Variants in PBXIP1 observed in about 807,000 individuals in gnomAD.
PBXIP1 encodes pre-B-cell leukemia transcription factor-interacting protein 1.
PBXIP1 carries 73 observed loss-of-function variants against 73.7 expected under a neutral mutation model. The observed-to-expected ratio is 0.99, with a 90% confidence interval of 0.82 to 1.20. The LOEUF (loss-of-function observed/expected upper bound fraction) is 1.20. Ranked by LOEUF, PBXIP1 falls within the 50% of genes most tolerant of loss-of-function variation. The pLI is 0.00. For synonymous variants in PBXIP1, 330 were observed against 366.9 expected (o/e 0.90, Z 1.15); for missense variants, 818 against 911.4 (o/e 0.90, Z 1.32).
At chr1:154,949,974 CTATTTT>C (rs904431970) in intron 5 of PBXIP1, among the ~76,000 whole-genome samples, 2 of 151,980 alleles carry the variant, frequency 1.3e-5, no homozygotes. Flanking sequence ...CACACCCAGC[CTATTTT>C]TATTTTTATT....
At position 154,951,946 on chromosome 1, in the gene PBXIP1, G is replaced by A. The variant is rs773973524; in HGVS notation, c.52-25C>T. 2 of 1,586,340 alleles carry A rather than the reference G, an allele frequency of 1.3e-6. No homozygotes were observed. Among genetic ancestry groups the A allele is most frequent in the South Asian group, 1.1e-5 (1 of 87,836 alleles). ...TCTGGGAGGAGAAGTGCAAGGAGAA[G>A]GGCTGCACCCAAGAATGGGGCCCCA... On this transcript the variant is annotated intron_variant, in intron 2 of 10. Coordinates refer to ENST00000368463, the MANE Select transcript of PBXIP1 (RefSeq NM_020524.4). The surrounding 1 kb of genome is among the most constrained non-coding windows in gnomAD (Gnocchi z 4.3).
Position 154,953,655 on chromosome 1 carries a change from G to T in PBXIP1, c.51+16C>A. Reference sequence around the variant, plus strand: ...CCCAACCCCACCCCCATGGTTCCCAGGCCCGCTCTTCCTACCTCGGAGCCA... The same window carrying T: ...CCCAACCCCACCCCCATGGTTCCCATGCCCGCTCTTCCTACCTCGGAGCCA... On this transcript the variant is annotated intron_variant, in intron 2 of 10. Coordinates refer to ENST00000368463, the MANE Select transcript of PBXIP1 (RefSeq NM_020524.4). 6.3e-7 allele frequency: 1 copy of T among 1,590,626 alleles called. No individual in the cohort carries two copies. Among genetic ancestry groups the T allele is most frequent in the Non-Finnish European group, 8.6e-7 (1 of 1,159,354 alleles).
intron 1 of PBXIP1, 97 bp from the exon 2 acceptor site, chr1:154,953,854 C>T (rs906280574): frequency 7.2e-6 from 5 of 693,170 alleles, no homozygotes; most frequent in Non-Finnish European, 9.9e-6. Flanking sequence ...AAGTGCTGGG[C>T]AGCAGCCTCC....
At position 154,947,837 on chromosome 1, in the gene PBXIP1, G is replaced by C. The variant is rs1654881746; in HGVS notation, c.668-125C>G. 3.7e-6 allele frequency: 5 copies of C among 1,365,312 alleles called. No homozygotes were observed. In the Admixed American group the frequency reaches 7.2e-5, roughly 20 times the overall value. The allele number at this position is 1,365,312 out of a possible 1,614,324, so 84.6% of individuals were successfully genotyped here. A position where few individuals can be genotyped will look rare whatever the true frequency, so the allele number is the denominator to read the frequency against. On this transcript the variant is annotated intron_variant, in intron 7 of 10. Transcript: ENST00000368463. ...ACCCTGTGGCTGAGCGGTTTGGTGA[G>C]ATAAAGGGCCAAGGGGCACCCTGAA...
chr1:154,947,208 T>C, intron 9 of PBXIP1: 1 of 626,968 alleles, frequency 1.6e-6, no homozygotes, highest in Non-Finnish European at 2.9e-6. Flanking sequence ...ATGTTTCATG[T>C]ACCATGTGGA....
intron 5 of PBXIP1, 137 bp from the exon 6 acceptor site, chr1:154,948,503 C>T (rs1654909807): frequency 4.9e-6 from 3 of 614,256 alleles, no homozygotes; most frequent in Non-Finnish European, 8.4e-6. Context: ...GAAGACCTTG[C>T]CCACTTGCCC....
intron 6 of PBXIP1, 24 bp from the exon 7 acceptor site, chr1:154,948,029 T>G (rs1467993668): frequency 1.2e-6 from 2 of 1,610,334 alleles, no homozygotes. Context: ...CAGAGGAGTC[T>G]GATGAGGCCC....
At chr1:154,949,226 C>A (rs1386740054) in intron 5 of PBXIP1, among the ~76,000 whole-genome samples, 1 of 151,916 alleles carries the variant, frequency 6.6e-6, no homozygotes, top group Admixed American at 6.6e-5. Context: ...AGTGCAGTGG[C>A]ACGATCACAA....
At position 154,945,717 on chromosome 1, in the gene PBXIP1, G is replaced by C; in HGVS notation, c.1957C>G (p.Arg653Gly). Residue 653 changes from arginine to glycine, a missense_variant, in exon 10 of 11, where the codon CGC becomes GGC. Coordinates refer to ENST00000368463, the MANE Select transcript of PBXIP1 (RefSeq NM_020524.4). The stretch of plus-strand genomic sequence containing the variant: ...TCCACAAAATCCCGGAAGCGGAGGC[G>C]GTCATGACGGAAGATGCCATCCTCA... ...FGEDGIFRHD[R>G]LRFRDFVDAL... 6.2e-7 allele frequency: 1 copy of C among 1,614,230 alleles called. No individual in the cohort carries two copies. Among genetic ancestry groups the C allele is most frequent in the South Asian group, 1.1e-5 (1 of 91,086 alleles).
chr1:154,945,809 T>C lies in PBXIP1; in HGVS notation c.1865A>G (p.Tyr622Cys). The C allele has an allele frequency of 6.2e-7, 1 of 1,614,130 alleles. No homozygotes were observed. The highest frequency in any genetic ancestry group is 8.5e-7 in the Non-Finnish European group (1 of 1,179,998). Residue 622 changes from tyrosine (Y) to cysteine (C), a missense_variant, in exon 10 of 11, where the codon TAC becomes TGC. Transcript: ENST00000368463. ...CCCAGCCCAGGGCAGCCGTGCCAAG[T>C]ATGTTCTTAGCAGAGAGGCCAGCTC... is the stretch of plus-strand genomic sequence containing the variant. Reference protein sequence around the residue: ...QQELASLLRTYLARLPWAGQL... With the variant: ...QQELASLLRTCLARLPWAGQL...
chr1:154,947,702 CT>C lies in PBXIP1; in HGVS notation c.677del (p.Glu226GlyfsTer24). On this transcript the variant is annotated frameshift_variant, in exon 8 of 11. Coordinates refer to ENST00000368463, the MANE Select transcript of PBXIP1 (RefSeq NM_020524.4). LOFTEE classifies it high-confidence loss of function. ...CTGGGAGGACCTGCCGCTCCACTTC[CT>C]CCATGGGCCCTGTGGGAAAGGGAAA... ...GLSESETGPM[E>X]EVERQVLPDP... is the part of the protein sequence containing the mutation. The C allele has an allele frequency of 1.2e-6, 2 of 1,613,666 alleles. No individual in the cohort carries two copies. The highest frequency in any genetic ancestry group is 1.7e-6 in the Non-Finnish European group (2 of 1,179,942).
Position 154,946,111 on chromosome 1 carries a change from C to A in PBXIP1, c.1563G>T (p.Arg521Ser), listed in dbSNP as rs1028429983. 4.3e-6 allele frequency: 7 copies of A among 1,614,042 alleles called. No individual in the cohort carries two copies. In the African/African-American group the frequency reaches 9.3e-5, roughly 22 times the overall value. ...TGCTCCCCGACTCCTCCACCCTTGG[C>A]CTGCCCTCCTTCCACCTTCCTGCTG... ...REPAGRWKEGRPRVEESGSKK... is the reference protein window; with the variant it reads ...REPAGRWKEGSPRVEESGSKK... Residue 521 changes from arginine to serine, a missense_variant, in exon 10 of 11, where the codon AGG becomes AGT. Coordinates refer to ENST00000368463, the MANE Select transcript of PBXIP1 (RefSeq NM_020524.4).
Position 154,947,721 on chromosome 1 carries a change from A to G in PBXIP1, c.668-9T>C. ...CACTTCCTCCATGGGCCCTGTGGGA[A>G]AGGGAAACCCTGAAACTGGTCCTGA... On this transcript the variant is annotated splice_polypyrimidine_tract_variant and intron_variant, in intron 7 of 10. Coordinates refer to ENST00000368463, the MANE Select transcript of PBXIP1 (RefSeq NM_020524.4). 1.2e-6 allele frequency: 2 copies of G among 1,612,534 alleles called. No homozygotes were observed.
chr1:154,948,010 G>T lies in PBXIP1; in HGVS notation c.644-5C>A. ...TCTCAGACTCTGAGAGGCCACCTAA[G>T]GACAGAGACAGAGGAGTCTGATGAG... On this transcript the variant is annotated splice_polypyrimidine_tract_variant and splice_region_variant and intron_variant, in intron 6 of 10. Transcript: ENST00000368463. 6.2e-7 allele frequency: 1 copy of T among 1,613,274 alleles called. No individual in the cohort carries two copies. The highest frequency in any genetic ancestry group is 1.1e-5 in the South Asian group (1 of 90,998).
Position 154,947,485 on chromosome 1 carries a change from T to G in PBXIP1, c.802A>C (p.Met268Leu). The G allele has an allele frequency of 1.2e-6, 2 of 1,613,498 alleles. No individual in the cohort carries two copies. Among genetic ancestry groups the G allele is most frequent in the Non-Finnish European group, 8.5e-7 (1 of 1,179,670 alleles). ...PPDSVPSLQN[M>L]GLLLDKLAKE... ...GCCAGCTTGTCCAGCAGAAGACCCATGTTTTGCAGGCTGGGGACACTGTCA... is the reference window on the plus strand; with the variant it reads ...GCCAGCTTGTCCAGCAGAAGACCCAGGTTTTGCAGGCTGGGGACACTGTCA... The change falls in exon 9 of 11, where the codon ATG becomes CTG. Residue 268 changes from methionine to leucine, a missense_variant. Coordinates refer to ENST00000368463, the MANE Select transcript of PBXIP1 (RefSeq NM_020524.4).
At chr1:154,945,518 C>T (rs1469200536) in intron 10 of PBXIP1, 54 bp downstream of exon 10, 7 of 1,547,792 alleles carry the variant, frequency 4.5e-6, no homozygotes, top group Non-Finnish European at 8.8e-7. Flanking sequence ...TTGCTCTTCA[C>T]ATCCTCCCGA....
chr1:154,945,600 A>G lies in PBXIP1; in HGVS notation c.2074T>C (p.Phe692Leu), dbSNP rs772949494. ...TTCTTCAGTGCTTTGTCTCCAAAGA[A>G]GTGGCTGAAGATGAAGTCCTCAAAG... ...DDFEDFIFSH[F>L]FGDKALKKRS... Residue 692 changes from phenylalanine (F) to leucine (L), a missense_variant, in exon 10 of 11, where the codon TTC (phenylalanine) becomes CTC (leucine). Phe to Leu is a conservative substitution (Grantham distance 22). Coordinates refer to ENST00000368463, the MANE Select transcript of PBXIP1 (RefSeq NM_020524.4). The G allele has an allele frequency of 6.2e-7, 1 of 1,614,010 alleles. No individual in the cohort carries two copies. Among genetic ancestry groups the G allele is most frequent in the Non-Finnish European group, 8.5e-7 (1 of 1,179,884 alleles).
In PBXIP1 at chr1:154,947,568, T is replaced by A. The variant is rs749536166; in HGVS notation, c.739-20A>T. On this transcript the variant is annotated intron_variant, in intron 8 of 10. Coordinates refer to ENST00000368463, the MANE Select transcript of PBXIP1 (RefSeq NM_020524.4). ...CCCATCCTGAGGGCAGAAGAGCCTG[T>A]TATGCCATGCTACCCCACAGCCCAG... 1 of 1,603,526 alleles carries A rather than the reference T, an allele frequency of 6.2e-7. No individual in the cohort carries two copies. The highest frequency in any genetic ancestry group is 2.2e-5 in the East Asian group (1 of 44,744).
At chr1:154,955,493 C>A (rs984646316) in intron 1 of PBXIP1, among the ~76,000 whole-genome samples, 3 of 152,226 alleles carry the variant, frequency 2.0e-5, no homozygotes, top group African/African-American at 7.2e-5. Flanking sequence ...CTCCTATACT[C>A]TGGGTTCCAA....
Sources: gnomAD v4.1 joint callset for allele counts (sites outside exome capture counted in the v4.1 genomes callset) on GRCh38, gnomAD v4.1.1 for gene constraint, Gnocchi (gnomAD v3.1) non-coding constraint, MANE v1.5 for transcripts, NCBI Gene and HGNC (gene_info 2026-07-23, HGNC 2026-07-21) for gene names.